Variants in DNAJC5 observed in about 807,000 individuals in gnomAD.
DNAJC5 encodes the protein DnaJ heat shock protein family (Hsp40) member C5, also known as dnaJ homolog subfamily C member 5.
DNAJC5 carries 1 observed loss-of-function variant against 23.2 expected under a neutral mutation model. The ratio of observed to expected loss-of-function variants is 0.04; its 90% CI spans 0.02 to 0.20. The LOEUF (loss-of-function observed/expected upper bound fraction) is 0.20, where lower values mean the gene tolerates loss of function less well. Among genes scored for constraint, DNAJC5 ranks in the 10% least tolerant of loss-of-function variants. DNAJC5 has a pLI of 1.00. For missense variants in DNAJC5, 180 were observed against 267.0 expected, an observed-to-expected ratio of 0.67 and a Z score of 2.27; for synonymous variants, 136 against 120.0, an observed-to-expected ratio of 1.13 and a Z score of -0.87.
intron 1 of DNAJC5, among the ~76,000 whole-genome samples, chr20:63,908,695 C>G (rs2053462617): frequency 6.6e-6 from 1 of 152,230 alleles, no homozygotes; most frequent in Non-Finnish European, 1.5e-5. Flanking sequence ...GTGGTCCCAG[C>G]TGCTTGAAGT....
Position 63,931,926 on chromosome 20 carries a change from T to C in DNAJC5, c.*358T>C, listed in dbSNP as rs1030707104. 3 of 369,038 alleles carry C rather than the reference T, an allele frequency of 8.1e-6. No individual in the cohort carries two copies. The highest frequency in any genetic ancestry group is 4.2e-5 in the African/African-American group (2 of 47,520). 22.9% of individuals were successfully genotyped at this position (369,038 alleles called of 1,614,324 possible). On this transcript the variant is annotated 3_prime_UTR_variant, in exon 5 of 5. Coordinates refer to ENST00000360864, the MANE Select transcript of DNAJC5 (RefSeq NM_025219.3). This position sits in a 1 kb window ranked among gnomAD's most constrained non-coding sequence, Gnocchi z 9.6. Reference sequence around the variant, plus strand: ...TCCAGTGAGGGGTGACTGCAGCCGGTCAGGTGGGCGAGGAGAAGGGGGGCT... The same window carrying C: ...TCCAGTGAGGGGTGACTGCAGCCGGCCAGGTGGGCGAGGAGAAGGGGGGCT...
At chr20:63,930,050 T>C (rs2053653816) in intron 3 of DNAJC5, among the ~76,000 whole-genome samples, 1 of 152,254 alleles carries the variant, frequency 6.6e-6, no homozygotes, top group Non-Finnish European at 1.5e-5. Context: ...TCCGCATTTC[T>C]TCGTTTCCTC....
chr20:63,905,329 C>T (rs1359264211), intron 1 of DNAJC5, among the ~76,000 whole-genome samples: 2 of 151,670 alleles, frequency 1.3e-5, no homozygotes, highest in South Asian at 2.1e-4. Context: ...TTGGCCAGGC[C>T]GATCTCGACC....
Position 63,920,571 on chromosome 20 carries a change from G to A in DNAJC5, c.-11-7764G>A, listed in dbSNP as rs2053561982. Among the ~76,000 whole-genome samples, 1 of 152,278 alleles carries A rather than the reference G, an allele frequency of 6.6e-6. No homozygotes were observed. Among genetic ancestry groups the A allele is most frequent in the African/African-American group, 2.4e-5 (1 of 41,470 alleles). On this transcript the variant is annotated intron_variant, in intron 1 of 4. Transcript: ENST00000360864. The surrounding 1 kb of genome is among the most constrained non-coding windows in gnomAD (Gnocchi z 4.6). ...TCCCTGCACGTGTGCGGTCTTGTCT[G>A]CCTAGGCATGTGTGCGGGCCCTGGG...
At chr20:63,921,356 C>A (rs937447118) in intron 1 of DNAJC5, among the ~76,000 whole-genome samples, 2 of 152,060 alleles carry the variant, frequency 1.3e-5, no homozygotes, top group Non-Finnish European at 2.9e-5. Context: ...CTTTGGGAGG[C>A]CGAGGCTGGT....
intron 1 of DNAJC5, among the ~76,000 whole-genome samples, chr20:63,924,015 A>G (rs183507050): frequency 2.6e-5 from 4 of 152,294 alleles, no homozygotes; most frequent in Non-Finnish European, 5.9e-5. Flanking sequence ...GTATGAATCT[A>G]TCTGAACTCG....
At chr20:63,921,981 G>A (rs1257321654) in intron 1 of DNAJC5, among the ~76,000 whole-genome samples, 4 of 151,958 alleles carry the variant, frequency 2.6e-5, no homozygotes, top group Non-Finnish European at 2.9e-5. Context: ...GTTTCACCAC[G>A]TTGGCCAGGC....
At chr20:63,918,697 A>G (rs1011491833) in intron 1 of DNAJC5, among the ~76,000 whole-genome samples, 10 of 152,220 alleles carry the variant, frequency 6.6e-5, no homozygotes, top group Non-Finnish European at 1.0e-4. Context: ...CCAGGTTTAC[A>G]CCATTCTCCG....
intron 1 of DNAJC5, among the ~76,000 whole-genome samples, chr20:63,917,198 A>T (rs6011225): frequency 2.0e-5 from 3 of 151,996 alleles, no homozygotes; most frequent in East Asian, 3.8e-4. Context: ...CAGCCGGTCC[A>T]TCTGTTCAGG....
chr20:63,914,538 C>T (rs1035410392), intron 1 of DNAJC5, among the ~76,000 whole-genome samples: 4 of 151,552 alleles, frequency 2.6e-5, no homozygotes, highest in East Asian at 3.9e-4. Context: ...AGGATGGTCT[C>T]GATCTCCTGA....
intron 1 of DNAJC5, among the ~76,000 whole-genome samples, chr20:63,927,784 G>A (rs1481630478): frequency 6.6e-6 from 1 of 152,134 alleles, no homozygotes; most frequent in African/African-American, 2.4e-5. Context: ...TTGTTGATAT[G>A]TTTGGATTTA....
chr20:63,906,741 G>A (rs557915189), intron 1 of DNAJC5, among the ~76,000 whole-genome samples: 12 of 152,158 alleles, frequency 7.9e-5, no homozygotes, highest in East Asian at 1.9e-4. Flanking sequence ...AGCCGAGATC[G>A]CGCCACTGCA....
At chr20:63,900,889 C>T (rs148812852) in intron 1 of DNAJC5, among the ~76,000 whole-genome samples, 158 of 152,304 alleles carry the variant, frequency 1.0e-3, no homozygotes, top group African/African-American at 3.6e-3. Context: ...CTACATTGAA[C>T]ATGTATCACC....
intron 1 of DNAJC5, among the ~76,000 whole-genome samples, chr20:63,903,572 G>T (rs201926032): frequency 1.3e-5 from 2 of 152,170 alleles, no homozygotes; most frequent in South Asian, 4.1e-4. Context: ...CTCCCAAAGT[G>T]CTGGGATTAC....
intron 1 of DNAJC5, among the ~76,000 whole-genome samples, chr20:63,906,977 CTGTAGTCCCAACT>C (rs2146276728): frequency 6.6e-6 from 1 of 151,998 alleles, no homozygotes; most frequent in African/African-American, 2.4e-5. Context: ...GGTTGCACAC[CTGTAGTCCCAACT>C]ACTTCGGAGG....
intron 1 of DNAJC5, among the ~76,000 whole-genome samples, chr20:63,899,225 T>C (rs1204446868): frequency 6.6e-6 from 1 of 152,206 alleles, no homozygotes; most frequent in Non-Finnish European, 1.5e-5. Context: ...TAGTCTTGTT[T>C]TATGAAAATG....
rs2053631197 is a variant in DNAJC5, at chr20:63,928,170, TCA to T, written c.-11-161_-11-160del. On this transcript the variant is annotated intron_variant, in intron 1 of 4. Transcript: ENST00000360864. This position sits in a 1 kb window ranked among gnomAD's most constrained non-coding sequence, Gnocchi z 4.6. ...CTTGGGGTGGCCGTATTCTGCCGTC[TCA>T]CACTTCTCCATGCCATGGCGTCTGT... 6.6e-6 allele frequency among the ~76,000 whole-genome samples: 1 copy of T among 152,166 alleles called. No homozygotes were observed. Among genetic ancestry groups the T allele is most frequent in the African/African-American group, 2.4e-5 (1 of 41,444 alleles).
chr20:63,928,540 C>A lies in DNAJC5; in HGVS notation c.107+88C>A, dbSNP rs2053634821. 1 of 1,123,072 alleles carries A rather than the reference C, an allele frequency of 8.9e-7. No homozygotes were observed. The highest frequency in any genetic ancestry group is 1.3e-6 in the Non-Finnish European group (1 of 741,288). The allele number at this position is 1,123,072 out of a possible 1,614,324, so 69.6% of individuals were successfully genotyped here. A position where few individuals can be genotyped will look rare whatever the true frequency, so the allele number is the denominator to read the frequency against. On this transcript the variant is annotated intron_variant, in intron 2 of 4. Transcript: ENST00000360864. This position sits in a 1 kb window ranked among gnomAD's most constrained non-coding sequence, Gnocchi z 4.6. The stretch of plus-strand genomic sequence containing the variant: ...GTCTGCATTTTACCAAGAACCATTG[C>A]ACATACTTTATCCTGGCCGACTCAG...
chr20:63,910,379 C>T (rs900992304), intron 1 of DNAJC5, among the ~76,000 whole-genome samples: 10 of 152,018 alleles, frequency 6.6e-5, no homozygotes, highest in Non-Finnish European at 1.0e-4. Flanking sequence ...CCCATCTCTA[C>T]TAAAAATACA....
Sources: gnomAD v4.1 joint callset for allele counts (sites outside exome capture counted in the v4.1 genomes callset) on GRCh38, gnomAD v4.1.1 for gene constraint, Gnocchi (gnomAD v3.1) non-coding constraint, MANE v1.5 for transcripts, NCBI Gene and HGNC (gene_info 2026-07-23, HGNC 2026-07-21) for gene names.